PRDM5: variants seen among roughly 807,000 people sequenced by gnomAD.
PRDM5 encodes the protein PR/SET domain 5.
Under a neutral mutation model 81.2 loss-of-function variants are expected in PRDM5, and 56 were observed. That is an observed-to-expected ratio of 0.69 (90% CI 0.56 to 0.86). The LOEUF (loss-of-function observed/expected upper bound fraction) is 0.86. Among genes scored for constraint, PRDM5 ranks in the 40% least tolerant of loss-of-function variants. PRDM5 has a pLI of 0.00. For missense variants in PRDM5, 697 were observed against 770.1 expected (o/e 0.91, Z 1.12); for synonymous variants, 267 against 256.4 (o/e 1.04, Z -0.39).
At chr4:120,690,175 G>T (rs557684591), downstream of PRDM5, among the ~76,000 whole-genome samples, 3 of 152,156 alleles carry the variant, frequency 2.0e-5, no homozygotes, top group Non-Finnish European at 4.4e-5. Flanking sequence ...TAGAGTTGGG[G>T]TCAATGTACT....
In PRDM5 at chr4:120,695,356, C is replaced by T. The variant is rs1578560581; in HGVS notation, c.1729-81G>A. On this transcript the variant is annotated intron_variant, in intron 15 of 15. Transcript: ENST00000264808. ...CAAAATTTAACACTCACACTATTGG[C>T]AAAGAAAATTAATAAGTTACTGCAT... 1.3e-5 allele frequency: 19 copies of T among 1,465,470 alleles called. No homozygotes were observed. The East Asian group carries it at 4.6e-4, about 35-fold the overall frequency. The allele number at this position is 1,465,470 out of a possible 1,614,324, so 90.8% of individuals were successfully genotyped here.
chr4:120,780,681 AC>A (rs2149237764), intron 12 of PRDM5, among the ~76,000 whole-genome samples: 1 of 152,240 alleles, frequency 6.6e-6, no homozygotes, highest in African/African-American at 2.4e-5. Flanking sequence ...TGTACCAGAA[AC>A]TTCCCTATGC....
intron 8 of PRDM5, among the ~76,000 whole-genome samples, chr4:120,806,647 G>A (rs190286220): frequency 6.6e-6 from 1 of 151,996 alleles, no homozygotes; most frequent in Non-Finnish European, 1.5e-5. Flanking sequence ...GCTAGCCATA[G>A]GTAGAAAGCT....
rs1736628274 is a variant in PRDM5 at position 120,709,349 on chromosome 4, A to C, written c.1728+960T>G. ...TCAGTATAGAGCTTTATATGTGTGC[A>C]TTTCTTCCTCTACAACTGTTTCTTT... On this transcript the variant is annotated intron_variant, in intron 15 of 15. Coordinates refer to ENST00000264808, the MANE Select transcript of PRDM5 (RefSeq NM_018699.4). Among the ~76,000 whole-genome samples, 3 of 152,158 alleles carry C rather than the reference A, an allele frequency of 2.0e-5. No individual in the cohort carries two copies. The South Asian group carries it at 6.2e-4, about 32-fold the overall frequency.
chr4:120,811,456 T>C lies in PRDM5; in HGVS notation c.866-7A>G, dbSNP rs912188712. The C allele has an allele frequency of 3.3e-6, 5 of 1,530,872 alleles. No individual in the cohort carries two copies. The highest frequency in any genetic ancestry group is 2.3e-5 in the East Asian group (1 of 44,162). 94.8% of individuals were successfully genotyped at this position (1,530,872 alleles called of 1,614,324 possible). ...AGCTTTTTCTTAGGATCTCCTAAAATAGAAATAAAATACCATGATGATTTA... is the reference window on the plus strand; with the variant it reads ...AGCTTTTTCTTAGGATCTCCTAAAACAGAAATAAAATACCATGATGATTTA... On this transcript the variant is annotated splice_polypyrimidine_tract_variant and splice_region_variant and intron_variant, in intron 7 of 15. Coordinates refer to ENST00000264808, the MANE Select transcript of PRDM5 (RefSeq NM_018699.4).
intron 3 of PRDM5, among the ~76,000 whole-genome samples, chr4:120,828,572 T>G (rs537433170): frequency 6.6e-6 from 1 of 152,234 alleles, no homozygotes; most frequent in African/African-American, 2.4e-5. Context: ...ATTTTCCAAA[T>G]GAGCCTAAAA....
chr4:120,750,652 C>T (rs1024369248), intron 14 of PRDM5, among the ~76,000 whole-genome samples: 3 of 151,444 alleles, frequency 2.0e-5, no homozygotes, highest in South Asian at 2.1e-4. Flanking sequence ...GCAGTATTTA[C>T]TTTAGTCTCC....
chr4:120,719,316 T>C (rs1251911040), intron 14 of PRDM5, among the ~76,000 whole-genome samples: 9 of 152,258 alleles, frequency 5.9e-5, no homozygotes, highest in African/African-American at 1.9e-4. Flanking sequence ...TCCCAGTCTG[T>C]TGCAGAGTGA....
chr4:120,733,858 A>G (rs548883983), intron 14 of PRDM5, among the ~76,000 whole-genome samples: 3 of 151,802 alleles, frequency 2.0e-5, no homozygotes, highest in Non-Finnish European at 4.4e-5. Flanking sequence ...GCTCTAAGAA[A>G]AAAAGAAACA....
At chr4:120,717,827 C>T (rs1281711067) in intron 14 of PRDM5, among the ~76,000 whole-genome samples, 1 of 152,148 alleles carries the variant, frequency 6.6e-6, no homozygotes, top group Non-Finnish European at 1.5e-5. Context: ...TTACATTAGA[C>T]CACAATCAAA....
intron 1 of PRDM5, among the ~76,000 whole-genome samples, chr4:120,921,765 A>G (rs1384426211): frequency 1.3e-5 from 2 of 151,922 alleles, no homozygotes; most frequent in Non-Finnish European, 2.9e-5. Flanking sequence ...AACATCCAAC[A>G]CTTTCAGGCC....
chr4:120,908,359 C>T (rs1371110094), intron 1 of PRDM5, among the ~76,000 whole-genome samples: 2 of 152,216 alleles, frequency 1.3e-5, no homozygotes, highest in Non-Finnish European at 2.9e-5. Context: ...CAGAGCCACT[C>T]ATGCTTCTAA....
At position 120,840,082 on chromosome 4, in the gene PRDM5, G is replaced by A. The variant is rs142312369; in HGVS notation, c.300+13336C>T. 1.1e-3 allele frequency among the ~76,000 whole-genome samples: 175 copies of A among 152,346 alleles called. 1 individual carries two copies. Among genetic ancestry groups the A allele is most frequent in the African/African-American group, 4.1e-3 (171 of 41,584 alleles). The stretch of plus-strand genomic sequence containing the variant: ...GCACAGGGAGGCCTGGGTCCACAGC[G>A]CCAACTTGGGTAGCTGAAGCCGCAT... On this transcript the variant is annotated intron_variant, in intron 3 of 15. Coordinates refer to ENST00000264808, the MANE Select transcript of PRDM5 (RefSeq NM_018699.4).
At chr4:120,800,251 C>T (rs1751948567) in intron 8 of PRDM5, among the ~76,000 whole-genome samples, 1 of 152,140 alleles carries the variant, frequency 6.6e-6, no homozygotes, top group African/African-American at 2.4e-5. Context: ...TGCAGTGGCT[C>T]ACATTTGTAA....
At chr4:120,836,087 A>G (rs2149381210) in intron 3 of PRDM5, among the ~76,000 whole-genome samples, 1 of 152,240 alleles carries the variant, frequency 6.6e-6, no homozygotes, top group African/African-American at 2.4e-5. Context: ...CAGCATACAG[A>G]CAATTGAAGG....
chr4:120,828,990 C>T (rs1453105846), intron 3 of PRDM5, among the ~76,000 whole-genome samples: 3 of 151,958 alleles, frequency 2.0e-5, no homozygotes, highest in Non-Finnish European at 4.4e-5. Flanking sequence ...GAAATAAACT[C>T]ATCTTTAGGG....
intron 14 of PRDM5, among the ~76,000 whole-genome samples, chr4:120,716,866 G>A (rs941205760): frequency 1.3e-5 from 2 of 152,020 alleles, no homozygotes; most frequent in African/African-American, 2.4e-5. Context: ...GAAAATAAAC[G>A]CATTTTCTTT....
intron 2 of PRDM5, among the ~76,000 whole-genome samples, chr4:120,864,195 G>A (rs547690416): frequency 6.6e-6 from 1 of 152,278 alleles, no homozygotes; most frequent in Non-Finnish European, 1.5e-5. Context: ...TGTGTATGGA[G>A]GGAAAATTCT....
intron 14 of PRDM5, among the ~76,000 whole-genome samples, chr4:120,733,044 A>G (rs1740497215): frequency 6.6e-6 from 1 of 152,222 alleles, no homozygotes; most frequent in Non-Finnish European, 1.5e-5. Flanking sequence ...GTCTCAACCT[A>G]CAAGACCATT....
Sources: gnomAD v4.1 joint callset for allele counts (sites outside exome capture counted in the v4.1 genomes callset) on GRCh38, gnomAD v4.1.1 for gene constraint, MANE v1.5 for transcripts, NCBI Gene and HGNC (gene_info 2026-07-23, HGNC 2026-07-21) for gene names.